The following RAB3GAP2 variants were observed in gnomAD, a reference collection of about 807,000 sequenced individuals.
RAB3GAP2 encodes the protein rab3 GTPase-activating protein non-catalytic subunit.
In RAB3GAP2, 87 loss-of-function variants were observed where a neutral mutation model predicts 185.3. The observed-to-expected ratio is 0.47, with a 90% CI of 0.39 to 0.56. The LOEUF (loss-of-function observed/expected upper bound fraction) is 0.56, where lower values mean the gene tolerates loss of function less well. Among genes scored for constraint, RAB3GAP2 ranks in the 20% least tolerant of loss-of-function variants. RAB3GAP2 has a pLI of 0.00. For missense variants in RAB3GAP2, 1,492 were observed against 1,638.2 expected, an observed-to-expected ratio of 0.91 and a Z score of 1.54; for synonymous variants, 554 against 576.1, an observed-to-expected ratio of 0.96 and a Z score of 0.55.
chr1:220,220,865 G>A (rs916038424), intron 2 of RAB3GAP2, among the ~76,000 whole-genome samples: 2 of 152,180 alleles, frequency 1.3e-5, no homozygotes, highest in African/African-American at 4.8e-5. Context: ...CAGCCACGTG[G>A]AAGTGTAAGT....
chr1:220,236,795 G>A (rs1659600013), intron 1 of RAB3GAP2, among the ~76,000 whole-genome samples: 1 of 152,056 alleles, frequency 6.6e-6, no homozygotes, highest in African/African-American at 2.4e-5. Context: ...CAAGAAGGAT[G>A]GTATTCTTTA....
At chr1:220,164,964 T>C (rs1658037880) in intron 26 of RAB3GAP2, among the ~76,000 whole-genome samples, 165 bp from the exon 27 acceptor site, 1 of 151,892 alleles carries the variant, frequency 6.6e-6, no homozygotes, top group African/African-American at 2.4e-5. Context: ...TGATAAACTG[T>C]CCCTCTTCAA....
chr1:220,155,251 A>T (rs1444549834), intron 31 of RAB3GAP2, among the ~76,000 whole-genome samples: 1 of 152,194 alleles, frequency 6.6e-6, no homozygotes, highest in East Asian at 1.9e-4. Context: ...AATGACCCAC[A>T]ATCTTGGGTT....
intron 17 of RAB3GAP2, among the ~76,000 whole-genome samples, chr1:220,187,745 T>C (rs1023589856): frequency 1.3e-5 from 2 of 152,064 alleles, no homozygotes. Flanking sequence ...ATTTACTCTA[T>C]GCACCTCTTC....
At chr1:220,189,901 T>C in intron 16 of RAB3GAP2, 134 bp from the exon 17 acceptor site, 1 of 1,056,832 alleles carries the variant, frequency 9.5e-7, no homozygotes. Context: ...TAATGTTTTC[T>C]TGTTATGAAT....
At chr1:220,252,169 A>AG (rs1659945949) in intron 1 of RAB3GAP2, among the ~76,000 whole-genome samples, 1 of 151,140 alleles carries the variant, frequency 6.6e-6, no homozygotes, top group African/African-American at 2.4e-5. Flanking sequence ...AAAAAAAAAA[A>AG]AGAGAAAATG....
intron 1 of RAB3GAP2, among the ~76,000 whole-genome samples, chr1:220,249,262 A>T (rs1175512169): frequency 6.6e-6 from 1 of 152,182 alleles, no homozygotes; most frequent in Non-Finnish European, 1.5e-5. Flanking sequence ...AGACTTGTTG[A>T]ATGGCTTTTA....
At chr1:220,178,460 C>T (rs376181458) in intron 21 of RAB3GAP2, among the ~76,000 whole-genome samples, 4 of 152,188 alleles carry the variant, frequency 2.6e-5, no homozygotes, top group African/African-American at 9.6e-5. Context: ...GAGACAATAA[C>T]ATAAAATGAT....
Position 220,196,295 on chromosome 1 carries a change from G to T in RAB3GAP2, c.915C>A (p.Ile305=). The T allele has an allele frequency of 6.2e-7, 1 of 1,612,806 alleles. No homozygotes were observed. Among genetic ancestry groups the T allele is most frequent in the Non-Finnish European group, 8.5e-7 (1 of 1,178,948 alleles). Residue 305 remains isoleucine, a synonymous_variant, in exon 10 of 35, where the codon ATC becomes ATA. Transcript: ENST00000358951. ...CAGTAAATGGATTGGACCCTACAGT[G>T]ATATACTGAGACATGGCAGGTGGAC... ...KNSPPAMSQY[I]TVGSNPFTGF...
intron 1 of RAB3GAP2, among the ~76,000 whole-genome samples, chr1:220,244,140 T>A (rs1352531617): frequency 1.3e-5 from 2 of 152,192 alleles, no homozygotes; most frequent in Admixed American, 6.5e-5. Context: ...ACTGATGATA[T>A]GATCGTACAA....
chr1:220,187,668 G>A (rs900710448), intron 17 of RAB3GAP2, among the ~76,000 whole-genome samples: 1 of 152,106 alleles, frequency 6.6e-6, no homozygotes, highest in Non-Finnish European at 1.5e-5. Context: ...ATAGCTGAAC[G>A]TGTAGAGGTT....
intron 1 of RAB3GAP2, chr1:220,266,387 G>T (rs1660226523): frequency 2.3e-6 from 1 of 427,148 alleles, no homozygotes; most frequent in Non-Finnish European, 4.4e-6. Flanking sequence ...CCCATAGCCA[G>T]ACTCTGGATT....
chr1:220,174,407 A>C (rs1658248298), intron 21 of RAB3GAP2, among the ~76,000 whole-genome samples: 1 of 152,042 alleles, frequency 6.6e-6, no homozygotes, highest in Non-Finnish European at 1.5e-5. Context: ...TTGTGGGTAC[A>C]TAGTAGGTAG....
rs138654906 is a variant in RAB3GAP2, at chr1:220,202,034, G to A, written c.811+242C>T. ...ACAAAAATCAGCCAGGCGGGGTGGC[G>A]CATGCTTGTAATCTCAGCTACTTGG... On this transcript the variant is annotated intron_variant, in intron 9 of 34. Coordinates refer to ENST00000358951, the MANE Select transcript of RAB3GAP2 (RefSeq NM_012414.4). 0.016 allele frequency among the ~76,000 whole-genome samples: 2,362 copies of A among 151,894 alleles called. 58 individuals are homozygous for A. Among genetic ancestry groups the A allele is most frequent in the African/African-American group, 0.055 (2,264 of 41,420 alleles).
At chr1:220,157,972 C>T (rs914831161) in intron 29 of RAB3GAP2, 96 bp from the exon 30 acceptor site, 5 of 931,610 alleles carry the variant, frequency 5.4e-6, no homozygotes, top group Admixed American at 2.0e-5. Context: ...ACTGGTTCAG[C>T]TGACTTTCCA....
In RAB3GAP2 at chr1:220,151,193, A is replaced by G; in HGVS notation, c.*58T>C. On this transcript the variant is annotated 3_prime_UTR_variant, in exon 35 of 35. Coordinates refer to ENST00000358951, the MANE Select transcript of RAB3GAP2 (RefSeq NM_012414.4). ...AATTCCAGGTCTTACTATGTAAAAT[A>G]ACCATGCACTACTTCATGTTATAAT... 1 of 1,531,520 alleles carries G rather than the reference A, an allele frequency of 6.5e-7. No homozygotes were observed. The highest frequency in any genetic ancestry group is 9.0e-7 in the Non-Finnish European group (1 of 1,112,120). The allele number at this position is 1,531,520 out of a possible 1,614,324, so 94.9% of individuals were successfully genotyped here. A position where few individuals can be genotyped will look rare whatever the true frequency, so the allele number is the denominator to read the frequency against.
Position 220,172,697 on chromosome 1 carries a change from C to T in RAB3GAP2, c.2356G>A (p.Asp786Asn). The change falls in exon 22 of 35, where the codon GAT (aspartate) becomes AAT (asparagine). Residue 786 changes from aspartate to asparagine, a missense_variant. Around this residue, in one of 5 missense-constraint regions of RAB3GAP2, gnomAD observed 681 missense variants for 689.1 expected, o/e 0.99. Transcript: ENST00000358951. ...AGACAGCAGATTGACTGTGGTTTAT[C>T]CAAAATATCCTTTTCCTTTGAAAGC... ...VWLSKEKDIL[D>N]KPQSICCLHT... is the part of the protein sequence containing the mutation. The T allele has an allele frequency of 1.9e-6, 3 of 1,613,230 alleles. No individual in the cohort carries two copies. Among genetic ancestry groups the T allele is most frequent in the Non-Finnish European group, 2.5e-6 (3 of 1,179,256 alleles).
chr1:220,187,790 CT>C (rs1183118032), intron 17 of RAB3GAP2, among the ~76,000 whole-genome samples: 2 of 151,884 alleles, frequency 1.3e-5, no homozygotes, highest in East Asian at 3.9e-4. Flanking sequence ...CTGTAATATC[CT>C]TTATAATAAA....
In RAB3GAP2 at chr1:220,170,893, T is replaced by C. The variant is rs1173741323; in HGVS notation, c.2805A>G (p.Lys935=). ...ATGCTCAAATAAACTTCAGCTTACC[T>C]TTTCCTCCTTCTAATAACTTTTTAA... ...LSVKKLLEGG[K]GGIADSVAKW... Residue 935 remains lysine (K), a splice_region_variant and synonymous_variant, in exon 24 of 35, where the codon AAA becomes AAG. Transcript: ENST00000358951. 1 of 1,610,580 alleles carries C rather than the reference T, an allele frequency of 6.2e-7. No homozygotes were observed. The highest frequency in any genetic ancestry group is 8.5e-7 in the Non-Finnish European group (1 of 1,176,712).
Sources: allele counts gnomAD v4.1 joint callset (sites outside exome capture counted in the v4.1 genomes callset), GRCh38; gene constraint gnomAD v4.1.1; regional missense constraint gnomAD v4.1.1; transcripts MANE v1.5; gene names NCBI Gene and HGNC (gene_info 2026-07-23, HGNC 2026-07-21).